Variants in MAPK8 observed in about 807,000 individuals in gnomAD.
The protein encoded by MAPK8 is JUN N-terminal kinase.
Under a neutral mutation model 52.9 loss-of-function variants are expected in MAPK8, and 13 were observed. The ratio of observed to expected loss-of-function variants is 0.25; its 90% CI spans 0.16 to 0.39. MAPK8 has a LOEUF of 0.39. MAPK8 is among the 10% of genes least tolerant of loss of function. The pLI, the probability that MAPK8 is intolerant of heterozygous loss-of-function variation, is 1.00. For synonymous variants in MAPK8, 191 were observed against 169.8 expected, an observed-to-expected ratio of 1.12 and a Z score of -0.97; for missense variants, 300 against 519.2, an observed-to-expected ratio of 0.58 and a Z score of 4.10.
At chr10:48,392,893 C>T (rs1327336651) in intron 1 of MAPK8, among the ~76,000 whole-genome samples, 1 of 152,282 alleles carries the variant, frequency 6.6e-6, no homozygotes, top group East Asian at 1.9e-4. Flanking sequence ...CATGGCAGCT[C>T]ATTTTAATCT....
At chr10:48,333,174 C>A (rs915437212) in intron 1 of MAPK8, among the ~76,000 whole-genome samples, 7 of 152,196 alleles carry the variant, frequency 4.6e-5, no homozygotes, top group Admixed American at 2.6e-4. Context: ...CTCTCCTTTC[C>A]CTAGAAAACT....
At chr10:48,426,690 A>G (rs1019038396) in intron 9 of MAPK8, 186 bp downstream of exon 9, 2 of 587,900 alleles carry the variant, frequency 3.4e-6, no homozygotes, top group African/African-American at 3.9e-5. Flanking sequence ...CCTACACAAA[A>G]TAAAGTTACC....
At chr10:48,422,168 A>T (rs1282697784) in intron 6 of MAPK8, among the ~76,000 whole-genome samples, 1 of 151,960 alleles carries the variant, frequency 6.6e-6, no homozygotes, top group Non-Finnish European at 1.5e-5. Flanking sequence ...AGTAGCTGGG[A>T]CTATAGGCAT....
At chr10:48,308,894 CTAAA>C (rs1482757329) in intron 1 of MAPK8, among the ~76,000 whole-genome samples, 1 of 152,176 alleles carries the variant, frequency 6.6e-6, no homozygotes, top group Non-Finnish European at 1.5e-5. Context: ...TTTCCACTTA[CTAAA>C]TACAGTTTAG....
intron 9 of MAPK8, chr10:48,426,753 T>C: frequency 4.0e-6 from 2 of 502,764 alleles, no homozygotes. Flanking sequence ...AACTAGGATG[T>C]TGAATGCTCT....
chr10:48,356,383 T>G (rs2132484003), intron 1 of MAPK8, among the ~76,000 whole-genome samples: 1 of 151,886 alleles, frequency 6.6e-6, no homozygotes, highest in East Asian at 1.9e-4. Context: ...GAGGATGAAA[T>G]AAGGGAAAAT....
chr10:48,308,538 TAAAG>T (rs1358238469), intron 1 of MAPK8, among the ~76,000 whole-genome samples: 2 of 152,096 alleles, frequency 1.3e-5, no homozygotes, highest in South Asian at 2.1e-4. Context: ...ATATGATAAA[TAAAG>T]TAGGTTGTGG....
intron 1 of MAPK8, among the ~76,000 whole-genome samples, chr10:48,396,641 A>C (rs2041901337): frequency 6.6e-6 from 1 of 152,230 alleles, no homozygotes; most frequent in East Asian, 1.9e-4. Flanking sequence ...ACAAAGCCTT[A>C]GAACAGCTTT....
chr10:48,334,374 G>A (rs1019666667), intron 1 of MAPK8, among the ~76,000 whole-genome samples: 1 of 151,860 alleles, frequency 6.6e-6, no homozygotes. Flanking sequence ...CGTTTCCCTC[G>A]CAGAACGGAA....
chr10:48,355,248 G>A (rs528200239), intron 1 of MAPK8, among the ~76,000 whole-genome samples: 23 of 152,272 alleles, frequency 1.5e-4, no homozygotes, highest in South Asian at 8.3e-4. Context: ...GGTGGCTCAC[G>A]CCTGTAATCC....
intron 5 of MAPK8, among the ~76,000 whole-genome samples, chr10:48,419,270 G>T (rs567040071): frequency 1.3e-5 from 2 of 152,134 alleles, no homozygotes; most frequent in Non-Finnish European, 2.9e-5. Context: ...GTATTAATCG[G>T]TGATATTTAA....
chr10:48,362,164 T>C lies in MAPK8; in HGVS notation c.-49-39448T>C, dbSNP rs561063455. On this transcript the variant is annotated intron_variant, in intron 1 of 11. Coordinates refer to ENST00000374189, the MANE Select transcript of MAPK8 (RefSeq NM_001323329.2). ...CCCAGCAAAATGGAATATTTTTCTT[T>C]GACAGTTGCTGTTTTTGCCTCTGTT... Among the ~76,000 whole-genome samples, 5 of 152,354 alleles carry C rather than the reference T, an allele frequency of 3.3e-5. No individual in the cohort carries two copies. In the East Asian group the frequency reaches 9.6e-4, roughly 29 times the overall value.
At chr10:48,312,368 A>G (rs1738789058) in intron 1 of MAPK8, among the ~76,000 whole-genome samples, 1 of 152,200 alleles carries the variant, frequency 6.6e-6, no homozygotes, top group Non-Finnish European at 1.5e-5. Flanking sequence ...AGCTCTTATG[A>G]TGTAAGGCTG....
At chr10:48,423,292 A>G (rs767450665) in intron 6 of MAPK8, among the ~76,000 whole-genome samples, 4 of 152,192 alleles carry the variant, frequency 2.6e-5, no homozygotes, top group Admixed American at 6.5e-5. Context: ...TTCATACTCA[A>G]TTCGTGGGAA....
intron 1 of MAPK8, among the ~76,000 whole-genome samples, chr10:48,392,605 T>C (rs1157872994): frequency 6.6e-6 from 1 of 152,090 alleles, no homozygotes; most frequent in Non-Finnish European, 1.5e-5. Flanking sequence ...CTTTTCTTCC[T>C]TTTTGGAAAT....
At chr10:48,381,229 C>A (rs1293690361) in intron 1 of MAPK8, among the ~76,000 whole-genome samples, 1 of 152,124 alleles carries the variant, frequency 6.6e-6, no homozygotes, top group Non-Finnish European at 1.5e-5. Context: ...TTTCATGAAT[C>A]TTTTATAAAC....
chr10:48,414,548 G>T (rs1056079841), intron 5 of MAPK8, among the ~76,000 whole-genome samples: 2 of 146,980 alleles, frequency 1.4e-5, no homozygotes, highest in Non-Finnish European at 3.0e-5. Flanking sequence ...TGAACTCCTG[G>T]GTTCAATAGG....
In MAPK8 at chr10:48,420,036, C is replaced by G. The variant is rs2043267620; in HGVS notation, c.451-119C>G. 3 of 711,304 alleles carry G rather than the reference C, an allele frequency of 4.2e-6. No individual in the cohort carries two copies. In the South Asian group the frequency reaches 6.7e-5, roughly 16 times the overall value. 44.1% of individuals were successfully genotyped at this position (711,304 alleles called of 1,614,324 possible). ...ACGATGAATCAGTGCAGTAATATTA[C>G]AGTGAGAAAAACGAACAATTAACAT... On this transcript the variant is annotated intron_variant, in intron 5 of 11. Coordinates refer to ENST00000374189, the MANE Select transcript of MAPK8 (RefSeq NM_001323329.2).
At chr10:48,307,223 C>T (rs1419862950) in intron 1 of MAPK8, 3 of 152,312 alleles carry the variant, frequency 2.0e-5, no homozygotes. Flanking sequence ...CCCTGGCTGC[C>T]TCCGGGGCGG....
Sources: allele counts gnomAD v4.1 joint callset (sites outside exome capture counted in the v4.1 genomes callset), GRCh38; gene constraint gnomAD v4.1.1; transcripts MANE v1.5; gene names NCBI Gene and HGNC (gene_info 2026-07-23, HGNC 2026-07-21).